Variants in KIF6 observed in about 807,000 individuals in gnomAD.
The protein encoded by KIF6 is kinesin-like protein KIF6.
A neutral mutation model predicts 112.7 loss-of-function variants in KIF6; 106 were observed. That is an observed-to-expected ratio of 0.94 (90% confidence interval 0.80 to 1.11). The LOEUF (loss-of-function observed/expected upper bound fraction) is 1.11, where lower values mean the gene tolerates loss of function less well. KIF6 is among the 50% of genes least tolerant of loss of function. The probability of loss-of-function intolerance (pLI) is 0.00; values close to 1 mark genes in which losing one functional copy is unlikely to be tolerated. For missense variants in KIF6, 929 were observed against 964.0 expected (o/e 0.96, Z 0.48); for synonymous variants, 339 against 339.9 (o/e 1.00, Z 0.03).
chr6:39,532,843 A>G (rs1195959292), intron 13 of KIF6, among the ~76,000 whole-genome samples: 1 of 152,192 alleles, frequency 6.6e-6, no homozygotes, highest in Non-Finnish European at 1.5e-5. Context: ...GGCTTTACCC[A>G]TTTGTTCTAG....
At chr6:39,403,775 A>G (rs1581777030) in intron 15 of KIF6, among the ~76,000 whole-genome samples, 1 of 152,210 alleles carries the variant, frequency 6.6e-6, no homozygotes, top group East Asian at 1.9e-4. Flanking sequence ...CAAGAGTTCC[A>G]GTTGCTCCAC....
At chr6:39,720,411 C>A (rs184564407) in intron 2 of KIF6, among the ~76,000 whole-genome samples, 2 of 152,186 alleles carry the variant, frequency 1.3e-5, no homozygotes, top group Admixed American at 1.3e-4. Flanking sequence ...TTGGAACTTT[C>A]TGTAAGTGCT....
At chr6:39,594,733 AT>A (rs1383749650) in intron 7 of KIF6, among the ~76,000 whole-genome samples, 1 of 152,034 alleles carries the variant, frequency 6.6e-6, no homozygotes, top group Admixed American at 6.6e-5. Context: ...AAAAGGTTTT[AT>A]TTTTTTCCCC....
rs927192210 is a variant in KIF6, at chr6:39,720,590, G to A, written c.176+112C>T. 2.0e-5 allele frequency: 13 copies of A among 644,150 alleles called. 1 individual carries two copies. The highest frequency in any genetic ancestry group is 1.1e-4 in the East Asian group (4 of 36,902). 39.9% of individuals were successfully genotyped at this position (644,150 alleles called of 1,614,324 possible). ...TCTACTAGGTGAGATGAAGAGCTGC[G>A]TTGCATTTTCCACAAGAAATGGTGC... On this transcript the variant is annotated intron_variant, in intron 2 of 22. Transcript: ENST00000287152.
intron 10 of KIF6, chr6:39,553,951 A>T (rs565714202): frequency 6.4e-6 from 1 of 155,060 alleles, no homozygotes; most frequent in African/African-American, 2.4e-5. Context: ...TCAAGCTGGC[A>T]GCTGACATCC....
intron 21 of KIF6, among the ~76,000 whole-genome samples, chr6:39,344,470 G>A (rs1379029303): frequency 3.3e-5 from 5 of 152,186 alleles, no homozygotes; most frequent in Non-Finnish European, 7.4e-5. Context: ...ATATGACCCC[G>A]GGTCAGGGGC....
rs16891957 is a variant in KIF6, at chr6:39,336,436, T to C, written c.*96A>G. The C allele has an allele frequency of 1.7e-5, 20 of 1,185,562 alleles. No individual in the cohort carries two copies. In the Admixed American group the frequency reaches 2.0e-4, roughly 12 times the overall value. 73.4% of individuals were successfully genotyped at this position (1,185,562 alleles called of 1,614,324 possible). On this transcript the variant is annotated 3_prime_UTR_variant, in exon 23 of 23. Coordinates refer to ENST00000287152, the MANE Select transcript of KIF6 (RefSeq NM_145027.6). Reference sequence around the variant, plus strand: ...GTCACTAGTTGCTCCCAGCAGCCCATAGTTCACTTCTGAAGCCAGAGCAAG... The same window carrying C: ...GTCACTAGTTGCTCCCAGCAGCCCACAGTTCACTTCTGAAGCCAGAGCAAG...
At chr6:39,690,265 G>A (rs1371407736) in intron 3 of KIF6, 3 of 152,052 alleles carry the variant, frequency 2.0e-5, no homozygotes, top group Non-Finnish European at 4.4e-5. Flanking sequence ...AAGAGTGAGA[G>A]TATCGGAAAG....
At chr6:39,513,470 T>C (rs145169184) in intron 13 of KIF6, among the ~76,000 whole-genome samples, 59 of 152,240 alleles carry the variant, frequency 3.9e-4, no homozygotes, top group African/African-American at 1.3e-3. Flanking sequence ...CCTGAGAGGG[T>C]CTTAGTAGTA....
At chr6:39,625,486 GTTAC>G (rs1784044232) in intron 5 of KIF6, among the ~76,000 whole-genome samples, 1 of 152,018 alleles carries the variant, frequency 6.6e-6, no homozygotes, top group Admixed American at 6.6e-5. Context: ...CTGGTCACTG[GTTAC>G]TCATTTCATC....
intron 13 of KIF6, among the ~76,000 whole-genome samples, chr6:39,520,247 A>G (rs1216422034): frequency 1.3e-5 from 2 of 152,224 alleles, no homozygotes; most frequent in Non-Finnish European, 2.9e-5. Context: ...CAGATAATCA[A>G]TGAATAATTT....
intron 6 of KIF6, among the ~76,000 whole-genome samples, chr6:39,596,991 T>C (rs893142716): frequency 1.1e-4 from 16 of 152,202 alleles, no homozygotes; most frequent in African/African-American, 3.9e-4. Context: ...AATGAAATAA[T>C]AAGGGATGAA....
At chr6:39,338,698 A>G (rs1260344522) in intron 22 of KIF6, among the ~76,000 whole-genome samples, 2 of 152,144 alleles carry the variant, frequency 1.3e-5, no homozygotes, top group Admixed American at 6.5e-5. Flanking sequence ...GGTGATTCTG[A>G]GGCATGGCCA....
intron 15 of KIF6, among the ~76,000 whole-genome samples, chr6:39,399,966 G>A (rs1325369561): frequency 1.3e-5 from 2 of 152,246 alleles, no homozygotes; most frequent in Admixed American, 6.5e-5. Context: ...CCTATAGCAC[G>A]AGAGCAGATA....
chr6:39,517,258 TA>T (rs1396067464), intron 13 of KIF6, among the ~76,000 whole-genome samples: 11 of 152,174 alleles, frequency 7.2e-5, no homozygotes, highest in Non-Finnish European at 8.8e-5. Flanking sequence ...AAAAGAAGGA[TA>T]TTTTGGGCAG....
chr6:39,350,757 G>A (rs1419361149), intron 19 of KIF6, among the ~76,000 whole-genome samples: 5 of 152,188 alleles, frequency 3.3e-5, no homozygotes, highest in Admixed American at 3.3e-4. Flanking sequence ...GGATTTCTTT[G>A]TCAGAGGTGG....
intron 7 of KIF6, among the ~76,000 whole-genome samples, chr6:39,589,721 C>T (rs1047998110): frequency 1.3e-5 from 2 of 152,094 alleles, no homozygotes; most frequent in African/African-American, 4.8e-5. Context: ...GAGGCAGTTG[C>T]AGGGAAGTTT....
intron 2 of KIF6, 163 bp from the exon 3 acceptor site, chr6:39,714,929 C>T: frequency 3.3e-6 from 2 of 600,414 alleles, no homozygotes; most frequent in Non-Finnish European, 6.0e-6. Flanking sequence ...CCACACTGTG[C>T]TGTTGTACTC....
chr6:39,681,439 A>T (rs1478454337), intron 3 of KIF6, among the ~76,000 whole-genome samples: 1 of 152,322 alleles, frequency 6.6e-6, no homozygotes, highest in Admixed American at 6.5e-5. Flanking sequence ...TTTATGCTAC[A>T]AAAAGTAGGA....
Sources: allele counts gnomAD v4.1 joint callset (sites outside exome capture counted in the v4.1 genomes callset), GRCh38; gene constraint gnomAD v4.1.1; transcripts MANE v1.5; gene names NCBI Gene and HGNC (gene_info 2026-07-23, HGNC 2026-07-21).